The following CAMTA1 variants were observed in gnomAD, a reference collection of about 807,000 sequenced individuals.
CAMTA1 encodes calmodulin binding transcription activator 1, also known as calmodulin-binding transcription activator 1.
CAMTA1 carries 27 observed loss-of-function variants against 170.9 expected under a neutral mutation model. That is an observed-to-expected ratio of 0.16 (90% CI 0.12 to 0.22). The LOEUF is 0.22. Ranked by LOEUF, CAMTA1 falls within the 10% of genes least tolerant of loss-of-function variation. The pLI, the probability that CAMTA1 is intolerant of heterozygous loss-of-function variation, is 1.00. For synonymous variants in CAMTA1, 833 were observed against 891.5 expected (o/e 0.93, Z 1.17); for missense variants, 1,619 against 2,217.2 (o/e 0.73, Z 5.42).
chr1:7,364,392 C>T (rs1259522803), intron 5 of CAMTA1, among the ~76,000 whole-genome samples: 4 of 151,780 alleles, frequency 2.6e-5, no homozygotes, highest in Non-Finnish European at 5.9e-5. Context: ...ATAGATGGCA[C>T]CTTCTATGTG....
chr1:7,683,727 C>T (rs1478837930), intron 11 of CAMTA1, among the ~76,000 whole-genome samples: 1 of 152,246 alleles, frequency 6.6e-6, no homozygotes, highest in Non-Finnish European at 1.5e-5. Flanking sequence ...CGAGCCCAGC[C>T]AGTGCCATGC....
At chr1:7,076,346 G>A (rs1049939502) in intron 3 of CAMTA1, among the ~76,000 whole-genome samples, 3 of 152,202 alleles carry the variant, frequency 2.0e-5, no homozygotes, top group Admixed American at 6.5e-5. Context: ...TTATTGCATC[G>A]CTGAATCACA....
At position 7,737,520 on chromosome 1, in the gene CAMTA1, G is replaced by A. The variant is rs2096781129; in HGVS notation, c.3608G>A (p.Ser1203Asn). 2 of 1,613,950 alleles carry A rather than the reference G, an allele frequency of 1.2e-6. No individual in the cohort carries two copies. Among genetic ancestry groups the A allele is most frequent in the Admixed American group, 1.7e-5 (1 of 60,000 alleles). ...GCCCAGTGGCACAGCGAAGCCATCA[G>A]CTCTCCAGAAATACCCAAGGGAGTC... ...WMAQWHSEAI[S>N]SPEIPKGVTV... The change falls in exon 15 of 23, where the codon AGC (serine) becomes AAC (asparagine). Residue 1203 changes from serine (S) to asparagine (N), a missense_variant. Ser to Asn is a conservative substitution (Grantham distance 46, BLOSUM62 1). Transcript: ENST00000303635.
chr1:7,197,475 C>T (rs1437749353), intron 4 of CAMTA1, among the ~76,000 whole-genome samples: 3 of 151,946 alleles, frequency 2.0e-5, no homozygotes, highest in African/African-American at 4.8e-5. Context: ...TTCTTGTGAC[C>T]AGGACGTAGC....
rs3222190 is a variant in CAMTA1, at chr1:7,547,348, GCACACACACACA to G, written c.510+79478_510+79489del. 2.7e-3 allele frequency among the ~76,000 whole-genome samples: 385 copies of G among 144,106 alleles called. 4 individuals carry two copies. Among genetic ancestry groups the G allele is most frequent in the East Asian group, 7.1e-3 (35 of 4,938 alleles). The allele number at this position is 144,106 out of a possible 152,430, so 94.5% of individuals were successfully genotyped here. A position where few individuals can be genotyped will look rare whatever the true frequency, so the allele number is the denominator to read the frequency against. On this transcript the variant is annotated intron_variant, in intron 6 of 22. Coordinates refer to ENST00000303635, the MANE Select transcript of CAMTA1 (RefSeq NM_015215.4). This position sits in a 1 kb window ranked among gnomAD's most constrained non-coding sequence, Gnocchi z 5.7. ...GAGCTGGGGAATATATGTATCATAT[GCACACACACACA>G]CACACACACACACACACACACACAC...
At chr1:6,933,540 G>T (rs1004605216) in intron 3 of CAMTA1, among the ~76,000 whole-genome samples, 4 of 152,146 alleles carry the variant, frequency 2.6e-5, no homozygotes, top group Non-Finnish European at 5.9e-5. Flanking sequence ...GATTACAGGT[G>T]TGAGCCACTG....
intron 4 of CAMTA1, among the ~76,000 whole-genome samples, chr1:7,239,852 CAA>C (rs1664551253): frequency 6.6e-6 from 1 of 151,388 alleles, no homozygotes; most frequent in African/African-American, 2.4e-5. Context: ...GGTGGAAGGG[CAA>C]GAGAGGGCAA....
chr1:6,823,762 T>C (rs1646789929), intron 2 of CAMTA1, among the ~76,000 whole-genome samples: 1 of 152,184 alleles, frequency 6.6e-6, no homozygotes, highest in Non-Finnish European at 1.5e-5. Flanking sequence ...TTCAAAAAAA[T>C]AGACTGTACT....
At chr1:6,997,082 G>A (rs1341143904) in intron 3 of CAMTA1, among the ~76,000 whole-genome samples, 1 of 152,118 alleles carries the variant, frequency 6.6e-6, no homozygotes. Flanking sequence ...CTTACGTGTG[G>A]TTCCTAGGAC....
At chr1:7,690,122 C>T (rs900094084) in intron 11 of CAMTA1, among the ~76,000 whole-genome samples, 5 of 152,066 alleles carry the variant, frequency 3.3e-5, no homozygotes, top group Admixed American at 3.3e-4. Context: ...AAGATTGCGC[C>T]ACTGCACTCC....
intron 5 of CAMTA1, among the ~76,000 whole-genome samples, chr1:7,255,250 A>AT (rs1388694928): frequency 6.6e-6 from 1 of 152,204 alleles, no homozygotes; most frequent in Non-Finnish European, 1.5e-5. Flanking sequence ...ACAAAACTGC[A>AT]TGTTCTGCAC....
At position 7,689,908 on chromosome 1, in the gene CAMTA1, A is replaced by G. The variant is rs2096291943; in HGVS notation, c.2914+12175A>G. 2.6e-5 allele frequency among the ~76,000 whole-genome samples: 4 copies of G among 152,218 alleles called. 1 individual carries two copies. The South Asian group carries it at 8.3e-4, about 32-fold the overall frequency. On this transcript the variant is annotated intron_variant, in intron 11 of 22. Coordinates refer to ENST00000303635, the MANE Select transcript of CAMTA1 (RefSeq NM_015215.4). ...CACAGTGGCTCGTGCCTGTAATCCCAGCACTTTGGGAGGCCGAGTTGGGCG... is the reference window on the plus strand; with the variant it reads ...CACAGTGGCTCGTGCCTGTAATCCCGGCACTTTGGGAGGCCGAGTTGGGCG...
chr1:7,307,485 A>G (rs1204306879), intron 5 of CAMTA1, among the ~76,000 whole-genome samples: 1 of 151,982 alleles, frequency 6.6e-6, no homozygotes, highest in Admixed American at 6.6e-5. Flanking sequence ...TACAAAGCTT[A>G]TGTGAGAATG....
intron 5 of CAMTA1, among the ~76,000 whole-genome samples, chr1:7,340,101 G>T (rs1012561993): frequency 6.6e-6 from 1 of 152,180 alleles, no homozygotes; most frequent in Non-Finnish European, 1.5e-5. Flanking sequence ...TATGGTCTGT[G>T]TTGCATCAAC....
intron 6 of CAMTA1, among the ~76,000 whole-genome samples, chr1:7,504,338 G>A (rs1436186382): frequency 1.3e-5 from 2 of 152,260 alleles, no homozygotes; most frequent in Admixed American, 6.5e-5. Context: ...TGGTACCCAG[G>A]CTTGGAGAAT....
chr1:7,627,999 C>T (rs17031211), intron 6 of CAMTA1, among the ~76,000 whole-genome samples: 38,090 of 151,984 alleles, frequency 0.25, 7,372 homozygotes, highest in African/African-American at 0.54. Flanking sequence ...TTTTTAGGAA[C>T]TAAGGCTCAT....
chr1:7,310,129 T>C (rs1241501767), intron 5 of CAMTA1, among the ~76,000 whole-genome samples: 1 of 152,240 alleles, frequency 6.6e-6, no homozygotes, highest in African/African-American at 2.4e-5. Flanking sequence ...ACTAATTCTC[T>C]TAGTTTTCCT....
Position 6,822,573 on chromosome 1 carries a change from A to G in CAMTA1, c.115+2323A>G, listed in dbSNP as rs1395659253. Among the ~76,000 whole-genome samples the G allele has an allele frequency of 8.5e-5, 13 of 152,292 alleles. No homozygotes were observed. The East Asian group carries it at 2.5e-3, about 29-fold the overall frequency. On this transcript the variant is annotated intron_variant, in intron 2 of 22. Coordinates refer to ENST00000303635, the MANE Select transcript of CAMTA1 (RefSeq NM_015215.4). ...AATGGTACACTTTAAAAACTGATCA[A>G]GGGGAACCCACTGGCCAGTCATATT...
intron 4 of CAMTA1, among the ~76,000 whole-genome samples, chr1:7,245,265 C>A (rs1035984778): frequency 1.3e-5 from 2 of 150,912 alleles, no homozygotes; most frequent in Admixed American, 1.3e-4. Flanking sequence ...CATACAATGT[C>A]TATAAGCTAT....
Sources: allele counts gnomAD v4.1 joint callset (sites outside exome capture counted in the v4.1 genomes callset), GRCh38; gene constraint gnomAD v4.1.1; non-coding constraint Gnocchi (gnomAD v3.1); transcripts MANE v1.5; gene names NCBI Gene and HGNC (gene_info 2026-07-23, HGNC 2026-07-21).